The following PIK3CD variants were observed in gnomAD, a reference collection of about 807,000 sequenced individuals.
PIK3CD encodes phosphatidylinositol-4,5-bisphosphate 3-kinase catalytic subunit delta, also known as phosphatidylinositol 4,5-bisphosphate 3-kinase catalytic subunit delta isoform.
Under a neutral mutation model 122.9 loss-of-function variants are expected in PIK3CD, and 20 were observed. That is an observed-to-expected ratio of 0.16 (90% confidence interval 0.11 to 0.24). The LOEUF is 0.24. PIK3CD is among the 10% of genes least tolerant of loss of function. The pLI is 1.00. For missense variants in PIK3CD, 787 were observed against 1,406.3 expected, an observed-to-expected ratio of 0.56 and a Z score of 7.04; for synonymous variants, 596 against 593.4, an observed-to-expected ratio of 1.00 and a Z score of -0.06.
chr1:9,640,386 C>G, the PIK3CD span, among the ~76,000 whole-genome samples: 1 of 151,890 alleles, frequency 6.6e-6, no homozygotes, highest in Non-Finnish European at 1.5e-5. Flanking sequence ...TCAAGACCAG[C>G]CTGACCAACA....
Position 9,706,050 on chromosome 1 carries a change from A to ATTTTT in PIK3CD, c.-32-4354_-32-4350dup, listed in dbSNP as rs140912843. Among the ~76,000 whole-genome samples, 159 of 85,064 alleles carry ATTTTT rather than the reference A, an allele frequency of 1.9e-3. 1 individual carries two copies. Among genetic ancestry groups the ATTTTT allele is most frequent in the African/African-American group, 3.4e-3 (72 of 21,000 alleles). The allele number at this position is 85,064 out of a possible 152,430, so 55.8% of individuals were successfully genotyped here. A position where few individuals can be genotyped will look rare whatever the true frequency, so the allele number is the denominator to read the frequency against. ...AATTGCTGTTGATTCATTTATTGGA[A>ATTTTT]TTTTTTTTTTTTTTTTTTTTTTTTG... On this transcript the variant is annotated intron_variant, in intron 2 of 23. Transcript: ENST00000377346.
At position 9,715,487 on chromosome 1, in the gene PIK3CD, C is replaced by A; in HGVS notation, c.142-54C>A. ...AGCTCTCCACCCTCCCTCAGCCTCC[C>A]ACCTCCCAGTGGCTGCCTTGGGTGG... On this transcript the variant is annotated intron_variant, in intron 3 of 23. Coordinates refer to ENST00000377346, the MANE Select transcript of PIK3CD (RefSeq NM_005026.5). This position sits in a 1 kb window ranked among gnomAD's most constrained non-coding sequence, Gnocchi z 4.1. The A allele has an allele frequency of 6.5e-7, 1 of 1,529,500 alleles. No homozygotes were observed. The highest frequency in any genetic ancestry group is 9.0e-7 in the Non-Finnish European group (1 of 1,108,588). The allele number at this position is 1,529,500 out of a possible 1,614,324, so 94.7% of individuals were successfully genotyped here.
the PIK3CD span, among the ~76,000 whole-genome samples, chr1:9,627,897 G>T: frequency 1.2e-4 from 18 of 152,188 alleles, no homozygotes; most frequent in African/African-American, 4.3e-4. Flanking sequence ...AACAGAGGCC[G>T]CGGGTGGCAG....
intron 1 of PIK3CD, among the ~76,000 whole-genome samples, chr1:9,690,190 A>G (rs1326097235): frequency 6.6e-6 from 1 of 152,080 alleles, no homozygotes; most frequent in Admixed American, 6.5e-5. Context: ...CTTGAGCCCA[A>G]GGGGGCTAGA....
rs1240984145 is a variant in PIK3CD, at chr1:9,720,789, G to C, written c.1569G>C (p.Leu523=). The C allele has an allele frequency of 5.6e-6, 9 of 1,612,760 alleles. No individual in the cohort carries two copies. The highest frequency in any genetic ancestry group is 1.3e-5 in the African/African-American group (1 of 74,854). Residue 523 remains leucine, a synonymous_variant, in exon 13 of 24, where the codon CTG becomes CTC. Transcript: ENST00000377346. This position sits in a 1 kb window ranked among gnomAD's most constrained non-coding sequence, Gnocchi z 9.0. ...EILERRGSGE[L]YEHEKDLVWK... ...TGGAGCGGCGGGGGTCTGGGGAGCT[G>C]TATGAGCACGAGAAGGACCTGGTGT...
chr1:9,672,255 C>T (rs942091192), intron 1 of PIK3CD, among the ~76,000 whole-genome samples: 13 of 152,202 alleles, frequency 8.5e-5, no homozygotes, highest in South Asian at 2.1e-4. Flanking sequence ...TACTATAAAG[C>T]ATATTTTCCC....
At chr1:9,656,827 C>T (rs1444469850) in intron 1 of PIK3CD, among the ~76,000 whole-genome samples, 1 of 151,726 alleles carries the variant, frequency 6.6e-6, no homozygotes, top group African/African-American at 2.4e-5. Flanking sequence ...CCTGTAGTCC[C>T]AGCTATTCGG....
chr1:9,721,748 C>T lies in PIK3CD; in HGVS notation c.1956-13C>T, dbSNP rs1344272910. 1 of 1,612,714 alleles carries T rather than the reference C, an allele frequency of 6.2e-7. No individual in the cohort carries two copies. Among genetic ancestry groups the T allele is most frequent in the Non-Finnish European group, 8.5e-7 (1 of 1,179,782 alleles). ...GCTGCCTGGTGAGGCTCAGCCCTCC[C>T]TTCACCTTCCAGCTCCGAGATGCAC... On this transcript the variant is annotated splice_polypyrimidine_tract_variant and intron_variant, in intron 15 of 23. Coordinates refer to ENST00000377346, the MANE Select transcript of PIK3CD (RefSeq NM_005026.5).
chr1:9,688,073 T>G (rs1646040439), intron 1 of PIK3CD: 2 of 152,206 alleles, frequency 1.3e-5, no homozygotes, highest in East Asian at 1.9e-4. Flanking sequence ...ATTCTGGGCT[T>G]CTTCGAGATT....
chr1:9,660,130 C>G (rs1273476897), intron 1 of PIK3CD, among the ~76,000 whole-genome samples: 1 of 152,236 alleles, frequency 6.6e-6, no homozygotes, highest in African/African-American at 2.4e-5. Flanking sequence ...TCAGGCTGGT[C>G]TCAAACTCCT....
chr1:9,700,823 C>A lies in PIK3CD; in HGVS notation c.-33+9252C>A, dbSNP rs968778475. On this transcript the variant is annotated intron_variant, in intron 2 of 23. Transcript: ENST00000377346. This position sits in a 1 kb window ranked among gnomAD's most constrained non-coding sequence, Gnocchi z 5.1. ...CTTCCTTTCCTGTCTCAGTAAATTC[C>A]CACCACCACTCCCATCTCCCAAGCC... is the stretch of plus-strand genomic sequence containing the variant. Among the ~76,000 whole-genome samples, 1 of 152,104 alleles carries A rather than the reference C, an allele frequency of 6.6e-6. No homozygotes were observed. Among genetic ancestry groups the A allele is most frequent in the East Asian group, 1.9e-4 (1 of 5,188 alleles).
At chr1:9,650,111 G>A (rs1171402266), upstream of PIK3CD, among the ~76,000 whole-genome samples, 1 of 144,790 alleles carries the variant, frequency 6.9e-6, no homozygotes, top group African/African-American at 2.7e-5. Context: ...CAAGGGACAG[G>A]AAACATTCCT....
chr1:9,708,570 G>A (rs776898623), intron 2 of PIK3CD, among the ~76,000 whole-genome samples: 17 of 152,080 alleles, frequency 1.1e-4, no homozygotes, highest in Non-Finnish European at 2.2e-4. Flanking sequence ...CATGGACGTC[G>A]GGCCCAGTGG....
At position 9,674,706 on chromosome 1, in the gene PIK3CD, A is replaced by AAAAAAAAG. The variant is rs1645449199; in HGVS notation, c.-137-16757_-137-16756insAAAGAAAA. 6.0e-5 allele frequency among the ~76,000 whole-genome samples: 9 copies of AAAAAAAAG among 151,166 alleles called. No individual in the cohort carries two copies. In the South Asian group the frequency reaches 1.9e-3, roughly 31 times the overall value. On this transcript the variant is annotated intron_variant, in intron 1 of 23. Transcript: ENST00000377346. The stretch of plus-strand genomic sequence containing the variant: ...AGACTCCGTCTCAAAAAAAAAAAAA[A>AAAAAAAAG]AAAAGAAACAAAAAGAAAAGAGAGA...
chr1:9,667,007 G>A (rs1011399589), intron 1 of PIK3CD, among the ~76,000 whole-genome samples: 1 of 152,090 alleles, frequency 6.6e-6, no homozygotes, highest in Non-Finnish European at 1.5e-5. Flanking sequence ...GGGACTACAG[G>A]CGTACACCGC....
the PIK3CD span, among the ~76,000 whole-genome samples, chr1:9,646,728 G>A: frequency 4.6e-5 from 7 of 151,956 alleles, no homozygotes; most frequent in Admixed American, 1.3e-4. Flanking sequence ...CGAGGCGGGC[G>A]GATCACCTGA....
At chr1:9,688,247 G>C (rs1334594190) in intron 1 of PIK3CD, 2 of 152,338 alleles carry the variant, frequency 1.3e-5, no homozygotes. Context: ...ACCACCCCGC[G>C]GGACACGCCA....
rs750392184 is a variant in PIK3CD at position 9,724,850 on chromosome 1, G to A, written c.2911G>A (p.Gly971Arg). The A allele has an allele frequency of 2.5e-6, 4 of 1,613,974 alleles. No homozygotes were observed. Among genetic ancestry groups the A allele is most frequent in the Non-Finnish European group, 2.5e-6 (3 of 1,180,040 alleles). The change falls in exon 23 of 24, where the codon GGG (glycine) becomes AGG (arginine). Residue 971 changes from glycine to arginine, a missense_variant. Physicochemically the swap from Gly to Arg is moderately radical, Grantham distance 125. This residue lies in a region of PIK3CD where 60 missense variants were observed against 129.5 expected (regional missense o/e 0.46). Coordinates refer to ENST00000377346, the MANE Select transcript of PIK3CD (RefSeq NM_005026.5). This position sits in a 1 kb window ranked among gnomAD's most constrained non-coding sequence, Gnocchi z 7.3. ...GGCCTACACCATCCTGCGGCGCCAC[G>A]GGCTTCTCTTCCTCCACCTCTTTGC... ...ERAYTILRRHGLLFLHLFALM... is the reference protein window; with the variant it reads ...ERAYTILRRHRLLFLHLFALM...
At chr1:9,633,317 C>T in the PIK3CD span, among the ~76,000 whole-genome samples, 3 of 151,772 alleles carry the variant, frequency 2.0e-5, no homozygotes, top group South Asian at 6.2e-4. Context: ...GGGATCATGC[C>T]ATTTACCAAT....
Sources: allele counts gnomAD v4.1 joint callset (sites outside exome capture counted in the v4.1 genomes callset), GRCh38; gene constraint gnomAD v4.1.1; regional missense constraint gnomAD v4.1.1; non-coding constraint Gnocchi (gnomAD v3.1); transcripts MANE v1.5; gene names NCBI Gene and HGNC (gene_info 2026-07-23, HGNC 2026-07-21).